Variants in RBM27 observed in about 807,000 individuals in gnomAD.
The protein encoded by RBM27 is RNA binding motif protein 27.
Under a neutral mutation model 135.3 loss-of-function variants are expected in RBM27, and 22 were observed. The observed-to-expected ratio is 0.16, with a 90% CI of 0.12 to 0.23. The LOEUF is 0.23. RBM27 is among the 10% of genes least tolerant of loss of function. The probability of loss-of-function intolerance (pLI) is 1.00; values close to 1 mark genes in which losing one functional copy is unlikely to be tolerated. For synonymous variants in RBM27, 481 were observed against 442.4 expected (o/e 1.09, Z -1.10); for missense variants, 1,009 against 1,281.0 (o/e 0.79, Z 3.24).
chr5:146,267,567 C>A, intron 14 of RBM27, 82 bp from the exon 15 acceptor site: 2 of 860,368 alleles, frequency 2.3e-6, no homozygotes, highest in South Asian at 1.8e-5. Flanking sequence ...GAAATATATG[C>A]ATCTTTTCTA....
Position 146,233,468 on chromosome 5 carries a change from T to G in RBM27, c.869T>G (p.Leu290Arg). Reference sequence around the variant, plus strand: ...TCCACAGAAAGAGGATTTTGTGTACTTGGTGACCTTTGTCAGTTTGATCAT... The same window carrying G: ...TCCACAGAAAGAGGATTTTGTGTACGTGGTGACCTTTGTCAGTTTGATCAT... ...RDYDERGFCV[L>R]GDLCQFDHGN... The change falls in exon 7 of 21, where the codon CTT becomes CGT. Residue 290 changes from leucine to arginine, a missense_variant. Around this residue, in one of 6 missense-constraint regions of RBM27, gnomAD observed 16 missense variants for 46.1 expected, o/e 0.35. Transcript: ENST00000265271. 6.4e-7 allele frequency: 1 copy of G among 1,567,946 alleles called. No individual in the cohort carries two copies. The highest frequency in any genetic ancestry group is 8.6e-7 in the Non-Finnish European group (1 of 1,158,702).
intron 7 of RBM27, 77 bp downstream of exon 7, chr5:146,233,820 C>T (rs1016270224): frequency 1.5e-5 from 15 of 1,009,318 alleles, no homozygotes; most frequent in South Asian, 1.1e-4. Flanking sequence ...ACTTGACACT[C>T]GTTTAAAGTG....
In RBM27 at chr5:146,206,746, A is replaced by G. The variant is rs553730609; in HGVS notation, c.59+2922A>G. On this transcript the variant is annotated intron_variant, in intron 1 of 20. Transcript: ENST00000265271. Reference sequence around the variant, plus strand: ...CAGGCACTTGCCACCATGCCCGGCTAATTTTTTGTATTTTTAGTAGAGACG... The same window carrying G: ...CAGGCACTTGCCACCATGCCCGGCTGATTTTTTGTATTTTTAGTAGAGACG... 1.2e-4 allele frequency among the ~76,000 whole-genome samples: 18 copies of G among 151,806 alleles called. No homozygotes were observed. The East Asian group carries it at 3.5e-3, about 30-fold the overall frequency.
At chr5:146,203,874 T>C in intron 1 of RBM27, 50 bp downstream of exon 1, 6 of 397,734 alleles carry the variant, frequency 1.5e-5, no homozygotes, top group Non-Finnish European at 2.7e-5. Context: ...CGTTGGGGGC[T>C]CGCGGGGGCG....
At chr5:146,241,349 A>G (rs1278818989) in intron 8 of RBM27, among the ~76,000 whole-genome samples, 3 of 152,254 alleles carry the variant, frequency 2.0e-5, no homozygotes, top group Non-Finnish European at 4.4e-5. Context: ...TGTGCCAGGC[A>G]TCGTGCCAGA....
intron 11 of RBM27, 52 bp from the exon 12 acceptor site, chr5:146,260,693 T>G: frequency 1.4e-6 from 2 of 1,465,604 alleles, no homozygotes; most frequent in African/African-American, 1.4e-5. Context: ...TATATCTCTT[T>G]GCTAGGCATG....
At position 146,260,764 on chromosome 5, in the gene RBM27, A is replaced by G; in HGVS notation, c.1759A>G (p.Asn587Asp). 6.2e-7 allele frequency: 1 copy of G among 1,607,660 alleles called. No homozygotes were observed. Among genetic ancestry groups the G allele is most frequent in the Non-Finnish European group, 8.5e-7 (1 of 1,178,228 alleles). ...TTTTAGGCAAGGAAATAACAATCAAAATAAACCAGGGTTCTTACGAAAGAA... is the reference window on the plus strand; with the variant it reads ...TTTTAGGCAAGGAAATAACAATCAAGATAAACCAGGGTTCTTACGAAAGAA... ...WLGKQGNNNQ[N>D]KPGFLRKNQY... The change falls in exon 12 of 21, where the codon AAT (asparagine) becomes GAT (aspartate). Residue 587 changes from asparagine (N) to aspartate (D), a missense_variant. Around this residue, in one of 6 missense-constraint regions of RBM27, gnomAD observed 329 missense variants for 368.1 expected, o/e 0.89. Transcript: ENST00000265271.
chr5:146,252,050 G>A (rs1033937680), intron 9 of RBM27, among the ~76,000 whole-genome samples, 175 bp downstream of exon 9: 16 of 152,146 alleles, frequency 1.1e-4, no homozygotes, highest in Non-Finnish European at 1.9e-4. Context: ...GCTGCTAGAT[G>A]ATTAGGCCTC....
intron 1 of RBM27, among the ~76,000 whole-genome samples, chr5:146,212,221 A>T (rs1283877214): frequency 6.6e-6 from 1 of 152,064 alleles, no homozygotes; most frequent in Non-Finnish European, 1.5e-5. Context: ...ACGCCTGGCT[A>T]ATTTTTGTAT....
chr5:146,235,220 A>G (rs1757108277), intron 7 of RBM27, among the ~76,000 whole-genome samples: 2 of 152,144 alleles, frequency 1.3e-5, no homozygotes, highest in African/African-American at 2.4e-5. Context: ...ATGGTTTCAC[A>G]TGATCCTGAG....
rs755116338 is a variant in RBM27, at chr5:146,258,429, T to C, written c.1595-20T>C. On this transcript the variant is annotated intron_variant, in intron 10 of 20. Transcript: ENST00000265271. The stretch of plus-strand genomic sequence containing the variant: ...GAGACTCCTGAAAAACTCAGTAATT[T>C]CAATTTTTTTTTCCAACAGCTGCTA... 6.5e-7 allele frequency: 1 copy of C among 1,528,654 alleles called. No individual in the cohort carries two copies. Among genetic ancestry groups the C allele is most frequent in the African/African-American group, 1.4e-5 (1 of 70,978 alleles). 94.7% of individuals were successfully genotyped at this position (1,528,654 alleles called of 1,614,324 possible).
intron 14 of RBM27, among the ~76,000 whole-genome samples, chr5:146,263,873 G>A (rs1758500062): frequency 6.6e-6 from 1 of 151,948 alleles, no homozygotes; most frequent in South Asian, 2.1e-4. Context: ...GGGAAGCCTG[G>A]GTGAGTGGAT....
At chr5:146,241,395 C>T (rs956818022) in intron 8 of RBM27, among the ~76,000 whole-genome samples, 7 of 152,154 alleles carry the variant, frequency 4.6e-5, no homozygotes, top group African/African-American at 1.7e-4. Flanking sequence ...TATTAGATCT[C>T]ATGTTTTTTG....
At chr5:146,277,517 A>ATTTTTTT (rs371321141) in intron 19 of RBM27, among the ~76,000 whole-genome samples, 1 of 125,516 alleles carries the variant, frequency 8.0e-6, no homozygotes, top group Non-Finnish European at 1.7e-5. Context: ...TACTGGGATA[A>ATTTTTTT]TTTTTTTTTT....
chr5:146,207,961 T>TG (rs1755771293), intron 1 of RBM27, among the ~76,000 whole-genome samples: 2 of 142,452 alleles, frequency 1.4e-5, no homozygotes, highest in South Asian at 2.3e-4. Context: ...GTTTTTTTTT[T>TG]TTTTTTTTTT....
chr5:146,267,777 C>A lies in RBM27; in HGVS notation c.2451+9C>A. 6.3e-7 allele frequency: 1 copy of A among 1,597,846 alleles called. No homozygotes were observed. ...TGCTTAAAAAAAAACAGGTAACAGTCTTGATTCTTCTTGCCTTACAGAAGA... is the reference window on the plus strand; with the variant it reads ...TGCTTAAAAAAAAACAGGTAACAGTATTGATTCTTCTTGCCTTACAGAAGA... On this transcript the variant is annotated intron_variant, in intron 15 of 20. Coordinates refer to ENST00000265271, the MANE Select transcript of RBM27 (RefSeq NM_018989.2).
At chr5:146,270,288 T>C (rs910534049) in intron 17 of RBM27, among the ~76,000 whole-genome samples, 10 of 152,176 alleles carry the variant, frequency 6.6e-5, no homozygotes, top group African/African-American at 2.4e-4. Context: ...CTTTGAGAAC[T>C]GGTAATGAAT....
intron 14 of RBM27, among the ~76,000 whole-genome samples, chr5:146,265,080 T>A (rs1020463144): frequency 3.2e-4 from 48 of 152,308 alleles, no homozygotes; most frequent in African/African-American, 1.1e-3. Context: ...CTAAACTAGT[T>A]ATCTTCCTTC....
At chr5:146,239,888 C>T (rs920822897) in intron 8 of RBM27, among the ~76,000 whole-genome samples, 2 of 150,866 alleles carry the variant, frequency 1.3e-5, no homozygotes, top group African/African-American at 4.9e-5. Flanking sequence ...GTGATCCTCC[C>T]ACCTCAGCCT....
Sources: gnomAD v4.1 joint callset for allele counts (sites outside exome capture counted in the v4.1 genomes callset) on GRCh38, gnomAD v4.1.1 for gene constraint, gnomAD v4.1.1 regional missense constraint, MANE v1.5 for transcripts, NCBI Gene and HGNC (gene_info 2026-07-23, HGNC 2026-07-21) for gene names.